The following RANBP10 variants were observed in gnomAD, a reference collection of about 807,000 sequenced individuals.
RANBP10 encodes ran-binding protein 10.
Under a neutral mutation model 72.8 loss-of-function variants are expected in RANBP10, and 24 were observed. The ratio of observed to expected loss-of-function variants is 0.33; its 90% confidence interval spans 0.24 to 0.46. RANBP10 has a LOEUF of 0.46. Ranked by LOEUF, RANBP10 falls within the 20% of genes least tolerant of loss-of-function variation. The probability of loss-of-function intolerance (pLI) is 1.00; values close to 1 mark genes in which losing one functional copy is unlikely to be tolerated. For missense variants in RANBP10, 679 were observed against 817.5 expected (o/e 0.83, Z 2.07); for synonymous variants, 310 against 322.3 (o/e 0.96, Z 0.41).
At chr16:67,747,226 T>C (rs117974732) in intron 3 of RANBP10, among the ~76,000 whole-genome samples, 271 of 152,328 alleles carry the variant, frequency 1.8e-3, no homozygotes, top group South Asian at 5.4e-3. Flanking sequence ...TTTTAGTGTA[T>C]ATATAATGGT....
intron 2 of RANBP10, among the ~76,000 whole-genome samples, chr16:67,798,898 C>T (rs966826022): frequency 6.6e-6 from 1 of 152,128 alleles, no homozygotes; most frequent in African/African-American, 2.4e-5. Flanking sequence ...ATACAGCCCA[C>T]GCTCCCTGGC....
intron 2 of RANBP10, among the ~76,000 whole-genome samples, chr16:67,791,505 G>A (rs1330550942): frequency 2.0e-5 from 3 of 152,160 alleles, no homozygotes; most frequent in Non-Finnish European, 2.9e-5. Context: ...GAAGAGACAA[G>A]GTCTTCAGCC....
At chr16:67,731,422 G>C (rs1478252377) in intron 7 of RANBP10, 50 bp downstream of exon 7, 3 of 1,483,178 alleles carry the variant, frequency 2.0e-6, no homozygotes, top group Admixed American at 1.7e-5. Context: ...CCAGAGAGCA[G>C]AGTTAGGGAC....
intron 2 of RANBP10, among the ~76,000 whole-genome samples, chr16:67,783,348 C>A (rs1429989223): frequency 1.3e-5 from 2 of 152,126 alleles, no homozygotes; most frequent in African/African-American, 4.8e-5. Flanking sequence ...AAGGAGACGA[C>A]CCCTTTACTG....
chr16:67,788,705 A>T (rs2054965434), intron 2 of RANBP10, among the ~76,000 whole-genome samples: 1 of 151,316 alleles, frequency 6.6e-6, no homozygotes, highest in African/African-American at 2.4e-5. Flanking sequence ...ATTTTTTTTT[A>T]AATTAGTCAG....
chr16:67,803,323 G>C (rs1246314892), intron 2 of RANBP10, among the ~76,000 whole-genome samples: 1 of 151,964 alleles, frequency 6.6e-6, no homozygotes, highest in African/African-American at 2.4e-5. Context: ...AGACCAGCCT[G>C]GGCAACATAG....
rs1411637456 is a variant in RANBP10 at position 67,776,500 on chromosome 16, G to A, written c.348-4414C>T. On this transcript the variant is annotated intron_variant, in intron 2 of 13. Coordinates refer to ENST00000317506, the MANE Select transcript of RANBP10 (RefSeq NM_020850.3). ...AAAAAAAAAAAAGAATTGGCCAGGT[G>A]TGGTGGCTCATGCCTGTAATCCCAG... Among the ~76,000 whole-genome samples the A allele has an allele frequency of 4.1e-5, 6 of 146,366 alleles. No individual in the cohort carries two copies. In the East Asian group the frequency reaches 1.2e-3, roughly 29 times the overall value.
intron 13 of RANBP10, 33 bp from the exon 14 acceptor site, chr16:67,726,591 C>T (rs936835682): frequency 2.0e-5 from 31 of 1,532,418 alleles, no homozygotes; most frequent in South Asian, 2.5e-5. Context: ...GGTCACTGGC[C>T]TGCCCAGGGC....
intron 3 of RANBP10, among the ~76,000 whole-genome samples, chr16:67,764,109 A>G (rs1334597694): frequency 6.6e-6 from 1 of 152,168 alleles, no homozygotes; most frequent in Non-Finnish European, 1.5e-5. Flanking sequence ...TTCAAGAAAC[A>G]CTTACTTCAG....
At chr16:67,727,243 G>A (rs867660124) in intron 13 of RANBP10, 84 bp downstream of exon 13, 2 of 1,328,152 alleles carry the variant, frequency 1.5e-6, no homozygotes, top group African/African-American at 1.5e-5. Flanking sequence ...AGATTGCTGT[G>A]AGCCAAGATT....
At chr16:67,738,358 G>A (rs2143004226) in intron 4 of RANBP10, among the ~76,000 whole-genome samples, 1 of 151,692 alleles carries the variant, frequency 6.6e-6, no homozygotes, top group East Asian at 1.9e-4. Context: ...GGCTGGTCTT[G>A]AACCCCTGAC....
At position 67,744,443 on chromosome 16, in the gene RANBP10, T is replaced by C. The variant is rs144357309; in HGVS notation, c.413A>G (p.His138Arg). The C allele has an allele frequency of 6.2e-7, 1 of 1,613,260 alleles. No homozygotes were observed. Among genetic ancestry groups the C allele is most frequent in the African/African-American group, 1.3e-5 (1 of 74,920 alleles). Residue 138 changes from histidine (H) to arginine (R), a missense_variant, in exon 4 of 14, where the codon CAT (histidine) becomes CGT (arginine). By Grantham distance (29) the His-to-Arg change is conservative (BLOSUM62 0). Coordinates refer to ENST00000317506, the MANE Select transcript of RANBP10 (RefSeq NM_020850.3). ...NMNRLPGWDKHSYGYHGDDGH... is the reference protein window; with the variant it reads ...NMNRLPGWDKRSYGYHGDDGH... ...ATCATCACCATGGTAACCATAGGAA[T>C]GTTTGTCCCAACCTGTGGGGGAAGA...
intron 2 of RANBP10, among the ~76,000 whole-genome samples, chr16:67,784,488 C>T (rs1256453187): frequency 6.6e-6 from 1 of 152,174 alleles, no homozygotes; most frequent in East Asian, 1.9e-4. Flanking sequence ...GAAACCCCGT[C>T]TCTACTAAAA....
At position 67,726,157 on chromosome 16, in the gene RANBP10, C is replaced by A; in HGVS notation, c.*271G>T. Reference sequence around the variant, plus strand: ...CCCCAACCCCTCCTCAAAACAAAACCCCCCTTTCAAAATAGAAGGCGCTAC... The same window carrying A: ...CCCCAACCCCTCCTCAAAACAAAACACCCCTTTCAAAATAGAAGGCGCTAC... On this transcript the variant is annotated 3_prime_UTR_variant, in exon 14 of 14. Coordinates refer to ENST00000317506, the MANE Select transcript of RANBP10 (RefSeq NM_020850.3). The A allele has an allele frequency of 2.6e-6, 1 of 378,556 alleles. No homozygotes were observed. Among genetic ancestry groups the A allele is most frequent in the Non-Finnish European group, 4.9e-6 (1 of 204,464 alleles). 23.4% of individuals were successfully genotyped at this position (378,556 alleles called of 1,614,324 possible). A position where few individuals can be genotyped will look rare whatever the true frequency, so the allele number is the denominator to read the frequency against.
At chr16:67,767,206 CAA>C in intron 3 of RANBP10, among the ~76,000 whole-genome samples, 1 of 152,226 alleles carries the variant, frequency 6.6e-6, no homozygotes, top group Non-Finnish European at 1.5e-5. Context: ...GGTCCCATCT[CAA>C]AGAGACTCAG....
chr16:67,757,835 G>T (rs562582706), intron 3 of RANBP10, among the ~76,000 whole-genome samples: 1 of 152,322 alleles, frequency 6.6e-6, no homozygotes, highest in Non-Finnish European at 1.5e-5. Flanking sequence ...CTCTGGCACT[G>T]CAGGTAGGAA....
Position 67,806,436 on chromosome 16 carries a change from T to C in RANBP10, c.101A>G (p.Glu34Gly), listed in dbSNP as rs2055445989. ...GGGLPSPGEQ[E>G]LSRRLQRLYP... ...CAGGCGCTGCAAGCGCCGGCTCAGC[T>C]CCTGCTCCCCAGGGGACGGCAGCCC... Residue 34 changes from glutamate (E) to glycine (G), a missense_variant, in exon 1 of 14, where the codon GAG becomes GGG. Coordinates refer to ENST00000317506, the MANE Select transcript of RANBP10 (RefSeq NM_020850.3). 1.9e-6 allele frequency: 3 copies of C among 1,588,624 alleles called. No homozygotes were observed. The highest frequency in any genetic ancestry group is 2.6e-6 in the Non-Finnish European group (3 of 1,169,494).
In RANBP10 at chr16:67,774,492, C is replaced by T. The variant is rs531553318; in HGVS notation, c.348-2406G>A. ...GCAGCTAGCCCTCAACACCTTCCTA[C>T]AGACTCTGCTCCACAGGTAAGATGG... On this transcript the variant is annotated intron_variant, in intron 2 of 13. Coordinates refer to ENST00000317506, the MANE Select transcript of RANBP10 (RefSeq NM_020850.3). Among the ~76,000 whole-genome samples the T allele has an allele frequency of 2.6e-5, 4 of 152,336 alleles. No individual in the cohort carries two copies. The South Asian group carries it at 8.3e-4, about 32-fold the overall frequency.
At chr16:67,763,355 G>C (rs2054435503) in intron 3 of RANBP10, 1 of 152,264 alleles carries the variant, frequency 6.6e-6, no homozygotes, top group Admixed American at 6.5e-5. Context: ...AGTCCCACCT[G>C]GGGGCCAAGG....
Sources: gnomAD v4.1 joint callset for allele counts (sites outside exome capture counted in the v4.1 genomes callset) on GRCh38, gnomAD v4.1.1 for gene constraint, MANE v1.5 for transcripts, NCBI Gene and HGNC (gene_info 2026-07-23, HGNC 2026-07-21) for gene names.